The following RPS6KA2 variants were observed in gnomAD, a reference collection of about 807,000 sequenced individuals.
The protein encoded by RPS6KA2 is ribosomal protein S6 kinase A2, also known as ribosomal protein S6 kinase alpha-2.
RPS6KA2 carries 42 observed loss-of-function variants against 91.8 expected under a neutral mutation model. The ratio of observed to expected loss-of-function variants is 0.46; its 90% CI spans 0.36 to 0.59. RPS6KA2 has a LOEUF of 0.59. RPS6KA2 is among the 20% of genes least tolerant of loss of function. RPS6KA2 has a pLI of 0.00. For missense variants in RPS6KA2, 798 were observed against 978.5 expected (o/e 0.82, Z 2.46); for synonymous variants, 414 against 393.6 (o/e 1.05, Z -0.61).
At chr6:166,785,923 A>C (rs981478469) in intron 2 of RPS6KA2, among the ~76,000 whole-genome samples, 5 of 152,242 alleles carry the variant, frequency 3.3e-5, no homozygotes, top group African/African-American at 1.2e-4. Context: ...AATCTAACAA[A>C]ATAATAATAA....
At chr6:166,751,802 T>C (rs1356253442) in intron 2 of RPS6KA2, among the ~76,000 whole-genome samples, 1 of 152,222 alleles carries the variant, frequency 6.6e-6, no homozygotes, top group Non-Finnish European at 1.5e-5. Context: ...CTAGGAAATC[T>C]ACAGAATGAG....
At chr6:166,581,625 C>T (rs1021808968) in intron 1 of RPS6KA2, among the ~76,000 whole-genome samples, 2 of 152,178 alleles carry the variant, frequency 1.3e-5, no homozygotes, top group Non-Finnish European at 2.9e-5. Context: ...CTTATATTCA[C>T]TTTCTATTTG....
At chr6:166,749,759 CTCCTCAGGCCCCCATT>C (rs1265226795) in intron 2 of RPS6KA2, among the ~76,000 whole-genome samples, 66 of 129,442 alleles carry the variant, frequency 5.1e-4, no homozygotes, top group Non-Finnish European at 8.1e-4. Context: ...AGGCCCCCAT[CTCCTCAGGCCCCCATT>C]TCCTCAGGTC....
chr6:166,851,914 T>C (rs1027604485), intron 2 of RPS6KA2, among the ~76,000 whole-genome samples: 1 of 152,198 alleles, frequency 6.6e-6, no homozygotes, highest in Admixed American at 6.5e-5. Flanking sequence ...TTCTTGCAAA[T>C]AATTACCACT....
chr6:166,851,614 G>A (rs1780745976), intron 2 of RPS6KA2, among the ~76,000 whole-genome samples: 1 of 152,146 alleles, frequency 6.6e-6, no homozygotes, highest in South Asian at 2.1e-4. Context: ...TCCCGATTTG[G>A]TGCTCTCAGA....
intron 2 of RPS6KA2, among the ~76,000 whole-genome samples, chr6:166,637,277 G>A (rs557410258): frequency 2.4e-4 from 36 of 152,350 alleles, no homozygotes; most frequent in Admixed American, 9.8e-4. Context: ...CCTACAGGCC[G>A]GGCCTGGGCC....
intron 1 of RPS6KA2, among the ~76,000 whole-genome samples, chr6:166,594,230 T>C (rs974919163): frequency 2.2e-4 from 34 of 152,296 alleles, no homozygotes; most frequent in African/African-American, 7.9e-4. Context: ...GTGATTCAAA[T>C]TTTTAAAGAA....
intron 2 of RPS6KA2, among the ~76,000 whole-genome samples, chr6:166,688,662 A>G (rs1789098286): frequency 6.6e-6 from 1 of 152,246 alleles, no homozygotes; most frequent in Non-Finnish European, 1.5e-5. Flanking sequence ...CGAGAGCGAC[A>G]GCGTCAGCGT....
rs1312371089 is a variant in RPS6KA2, at chr6:166,612,127, G to A, written c.99+14794C>T. ...TTTTTCCTCTTATTTTTCCTCCGTC[G>A]TCCAACATCAAGATGCAAGGGCCGC... On this transcript the variant is annotated intron_variant, in intron 1 of 20. Coordinates refer to ENST00000265678, the MANE Select transcript of RPS6KA2 (RefSeq NM_021135.6). The surrounding 1 kb of genome is among the most constrained non-coding windows in gnomAD (Gnocchi z 4.3). Among the ~76,000 whole-genome samples the A allele has an allele frequency of 6.6e-6, 1 of 151,716 alleles. No individual in the cohort carries two copies. The highest frequency in any genetic ancestry group is 1.9e-4 in the East Asian group (1 of 5,174).
At chr6:166,546,383 C>T (rs138342335) in intron 1 of RPS6KA2, among the ~76,000 whole-genome samples, 2,296 of 152,196 alleles carry the variant, frequency 0.015, 20 homozygotes, top group Non-Finnish European at 0.025. Context: ...TTTAAAATAA[C>T]GCCAGGTAAA....
chr6:166,555,772 C>G (rs1784159489), intron 1 of RPS6KA2, among the ~76,000 whole-genome samples: 1 of 152,136 alleles, frequency 6.6e-6, no homozygotes, highest in Non-Finnish European at 1.5e-5. Context: ...ACAAGAGCAT[C>G]CTTCTCCCTA....
intron 10 of RPS6KA2, among the ~76,000 whole-genome samples, chr6:166,476,405 C>T (rs1780976876): frequency 6.6e-6 from 1 of 152,220 alleles, no homozygotes; most frequent in Non-Finnish European, 1.5e-5. Flanking sequence ...GGCCAACGAA[C>T]AGCTCAGTGT....
At chr6:166,458,502 A>G (rs747177142) in intron 12 of RPS6KA2, among the ~76,000 whole-genome samples, 14 of 152,214 alleles carry the variant, frequency 9.2e-5, no homozygotes, top group Non-Finnish European at 1.6e-4. Flanking sequence ...TGTCTTTATC[A>G]GCAGTGTGAA....
chr6:166,794,721 T>C (rs2128615533), intron 2 of RPS6KA2, among the ~76,000 whole-genome samples: 1 of 151,416 alleles, frequency 6.6e-6, no homozygotes, highest in Non-Finnish European at 1.5e-5. Flanking sequence ...TGGATGAAGC[T>C]GGAAACCATC....
At chr6:166,772,776 G>A (rs551649037) in intron 2 of RPS6KA2, among the ~76,000 whole-genome samples, 2 of 152,174 alleles carry the variant, frequency 1.3e-5, no homozygotes, top group African/African-American at 4.8e-5. Context: ...GCGGTGCTTG[G>A]GGTCCCTCAT....
At chr6:166,513,506 C>T (rs1038010028) in intron 3 of RPS6KA2, among the ~76,000 whole-genome samples, 1 of 152,214 alleles carries the variant, frequency 6.6e-6, no homozygotes, top group Non-Finnish European at 1.5e-5. Flanking sequence ...AACATGCTCA[C>T]TGCAGTAAAA....
Position 166,419,485 on chromosome 6 carries a change from C to T in RPS6KA2, c.1820+397G>A, listed in dbSNP as rs559009148. 1.1e-4 allele frequency among the ~76,000 whole-genome samples: 16 copies of T among 152,306 alleles called. No homozygotes were observed. The highest frequency in any genetic ancestry group is 3.4e-4 in the African/African-American group (14 of 41,568). On this transcript the variant is annotated intron_variant, in intron 18 of 20. Transcript: ENST00000265678. This position sits in a 1 kb window ranked among gnomAD's most constrained non-coding sequence, Gnocchi z 5.6. ...AACCGGCCCGTGCATGACTCATGAC[C>T]ACGAAACCCAGGTACAGATGCTGTT...
chr6:166,503,226 C>T (rs950728853), intron 6 of RPS6KA2, among the ~76,000 whole-genome samples: 20 of 152,348 alleles, frequency 1.3e-4, no homozygotes, highest in Admixed American at 3.3e-4. Flanking sequence ...TATTTACACA[C>T]GTATTCAACT....
At chr6:166,752,429 G>A (rs1044841524) in intron 2 of RPS6KA2, among the ~76,000 whole-genome samples, 5 of 152,214 alleles carry the variant, frequency 3.3e-5, no homozygotes, top group Admixed American at 2.0e-4. Context: ...GAAACCTTAA[G>A]AGACAGAAAG....
Sources: gnomAD v4.1 joint callset for allele counts (sites outside exome capture counted in the v4.1 genomes callset) on GRCh38, gnomAD v4.1.1 for gene constraint, Gnocchi (gnomAD v3.1) non-coding constraint, MANE v1.5 for transcripts, NCBI Gene and HGNC (gene_info 2026-07-23, HGNC 2026-07-21) for gene names.